SEZ6L: variants seen among roughly 807,000 people sequenced by gnomAD.
SEZ6L encodes seizure 6-like protein.
Under a neutral mutation model 106.2 loss-of-function variants are expected in SEZ6L, and 37 were observed. That is an observed-to-expected ratio of 0.35 (90% confidence interval 0.27 to 0.46). The LOEUF (loss-of-function observed/expected upper bound fraction) is 0.46. SEZ6L is among the 20% of genes least tolerant of loss of function. The pLI, the probability that SEZ6L is intolerant of heterozygous loss-of-function variation, is 1.00. For synonymous variants in SEZ6L, 541 were observed against 570.4 expected (o/e 0.95, Z 0.73); for missense variants, 1,172 against 1,332.8 (o/e 0.88, Z 1.88).
intron 16 of SEZ6L, among the ~76,000 whole-genome samples, chr22:26,379,902 G>GT (rs1331441249): frequency 1.3e-5 from 2 of 152,198 alleles, no homozygotes; most frequent in Admixed American, 1.3e-4. Context: ...GTGGGACAGC[G>GT]TTTTAGGCTT....
chr22:26,229,398 A>G (rs2078731902), intron 1 of SEZ6L, among the ~76,000 whole-genome samples: 1 of 152,208 alleles, frequency 6.6e-6, no homozygotes, highest in Admixed American at 6.5e-5. Context: ...TGTGCAATTT[A>G]TTATATGTCA....
At chr22:26,354,505 T>A (rs2146031179) in intron 12 of SEZ6L, among the ~76,000 whole-genome samples, 1 of 152,330 alleles carries the variant, frequency 6.6e-6, no homozygotes, top group Non-Finnish European at 1.5e-5. Context: ...CGGTTTGTGG[T>A]CCTTTGTCAA....
intron 1 of SEZ6L, among the ~76,000 whole-genome samples, chr22:26,244,989 A>G (rs1348943398): frequency 6.6e-6 from 1 of 152,182 alleles, no homozygotes; most frequent in Non-Finnish European, 1.5e-5. Context: ...TCTGAACTGG[A>G]CAAGTAATAA....
intron 9 of SEZ6L, among the ~76,000 whole-genome samples, 199 bp downstream of exon 9, chr22:26,314,101 G>C (rs2081930653): frequency 6.6e-6 from 1 of 151,930 alleles, no homozygotes; most frequent in South Asian, 2.1e-4. Context: ...CACACAGAGA[G>C]AGAGAGAGAG....
intron 1 of SEZ6L, among the ~76,000 whole-genome samples, chr22:26,245,528 C>T (rs539549985): frequency 1.9e-4 from 29 of 152,264 alleles, no homozygotes; most frequent in African/African-American, 6.5e-4. Context: ...AATGGGCTGA[C>T]CTGATGGTGG....
At chr22:26,287,399 T>C (rs1278996858) in intron 1 of SEZ6L, among the ~76,000 whole-genome samples, 1 of 152,288 alleles carries the variant, frequency 6.6e-6, no homozygotes, top group East Asian at 1.9e-4. Context: ...CCCAACACTT[T>C]GATTGATTGA....
chr22:26,236,417 C>CCCTGTCTTAT (rs542719150), intron 1 of SEZ6L, among the ~76,000 whole-genome samples: 239 of 152,266 alleles, frequency 1.6e-3, no homozygotes, highest in Non-Finnish European at 2.4e-3. Flanking sequence ...CCAAAACAGA[C>CCCTGTCTTAT]CCTGTCTTAT....
chr22:26,302,219 G>A (rs1345409623), intron 5 of SEZ6L, among the ~76,000 whole-genome samples: 4 of 152,158 alleles, frequency 2.6e-5, no homozygotes, highest in Non-Finnish European at 4.4e-5. Context: ...CCTCGGACTA[G>A]CAAAATTATT....
intron 10 of SEZ6L, among the ~76,000 whole-genome samples, chr22:26,343,822 C>T (rs1188522074): frequency 6.6e-6 from 1 of 152,156 alleles, no homozygotes; most frequent in Non-Finnish European, 1.5e-5. Context: ...AAGAAACACA[C>T]AGTTAATTTC....
At chr22:26,328,651 T>C (rs2082392246) in intron 9 of SEZ6L, among the ~76,000 whole-genome samples, 2 of 152,066 alleles carry the variant, frequency 1.3e-5, no homozygotes, top group South Asian at 4.1e-4. Context: ...TCCAGAGATG[T>C]GGAAATGAGA....
intron 1 of SEZ6L, among the ~76,000 whole-genome samples, chr22:26,210,351 G>A (rs1006563358): frequency 1.3e-5 from 2 of 152,210 alleles, no homozygotes; most frequent in African/African-American, 4.8e-5. Context: ...CCAGAGAGGA[G>A]GGAAGGCTCA....
intron 1 of SEZ6L, among the ~76,000 whole-genome samples, chr22:26,213,869 C>T (rs181408422): frequency 8.4e-4 from 128 of 152,222 alleles, no homozygotes; most frequent in African/African-American, 2.6e-3. Context: ...TGCAGTGAAC[C>T]GTGATCATGC....
intron 12 of SEZ6L, among the ~76,000 whole-genome samples, chr22:26,361,305 C>T (rs2083615019): frequency 1.4e-5 from 2 of 144,240 alleles, no homozygotes; most frequent in Admixed American, 1.5e-4. Flanking sequence ...CGAGACCAGC[C>T]TGGCCAAAAT....
At chr22:26,338,867 C>CTTTTTTTTTTTTTTTT (rs71192914) in intron 9 of SEZ6L, among the ~76,000 whole-genome samples, 13 of 87,482 alleles carry the variant, frequency 1.5e-4, no homozygotes, top group African/African-American at 2.0e-4. Flanking sequence ...TTTTTTTTTT[C>CTTTTTTTTTTTTTTTT]TTTTTTTTTT....
chr22:26,270,944 GA>G (rs1198758536), intron 1 of SEZ6L, among the ~76,000 whole-genome samples: 1 of 152,182 alleles, frequency 6.6e-6, no homozygotes, highest in Non-Finnish European at 1.5e-5. Flanking sequence ...AGGAAGCTGT[GA>G]GAAGCAATCC....
intron 6 of SEZ6L, among the ~76,000 whole-genome samples, chr22:26,308,384 A>G (rs1038208290): frequency 1.3e-5 from 2 of 150,880 alleles, no homozygotes; most frequent in Non-Finnish European, 2.9e-5. Context: ...GAGATCTGGG[A>G]AGCTAGATTG....
At chr22:26,172,976 A>G (rs545768228) in intron 1 of SEZ6L, among the ~76,000 whole-genome samples, 2 of 152,340 alleles carry the variant, frequency 1.3e-5, no homozygotes, top group East Asian at 1.9e-4. Context: ...TTAGATTTAT[A>G]AAGTCCAGGA....
chr22:26,238,100 C>T (rs909241879), intron 1 of SEZ6L, among the ~76,000 whole-genome samples: 8 of 152,098 alleles, frequency 5.3e-5, no homozygotes, highest in African/African-American at 1.4e-4. Context: ...GAACAGAGGT[C>T]GGGATTTGAG....
chr22:26,216,237 A>G (rs2078295929), intron 1 of SEZ6L, among the ~76,000 whole-genome samples: 1 of 152,176 alleles, frequency 6.6e-6, no homozygotes, highest in African/African-American at 2.4e-5. Flanking sequence ...GCTGGAAATG[A>G]TCTAGCTCTT....
Sources: gnomAD v4.1 joint callset for allele counts (sites outside exome capture counted in the v4.1 genomes callset) on GRCh38, gnomAD v4.1.1 for gene constraint, MANE v1.5 for transcripts, NCBI Gene and HGNC (gene_info 2026-07-23, HGNC 2026-07-21) for gene names.